MEIS1: variants seen among roughly 807,000 people sequenced by gnomAD.
The protein encoded by MEIS1 is homeobox protein Meis1.
MEIS1 carries 5 observed loss-of-function variants against 50.8 expected under a neutral mutation model. That is an observed-to-expected ratio of 0.10 (90% CI 0.05 to 0.21). MEIS1 has a LOEUF of 0.21. Ranked by LOEUF, MEIS1 falls within the 10% of genes least tolerant of loss-of-function variation. The pLI, the probability that MEIS1 is intolerant of heterozygous loss-of-function variation, is 1.00. For synonymous variants in MEIS1, 176 were observed against 179.3 expected, an observed-to-expected ratio of 0.98 and a Z score of 0.15; for missense variants, 318 against 517.3, an observed-to-expected ratio of 0.61 and a Z score of 3.74.
intron 9 of MEIS1, among the ~76,000 whole-genome samples, chr2:66,559,428 G>C (rs1675156656): frequency 6.6e-6 from 1 of 152,116 alleles, no homozygotes; most frequent in African/African-American, 2.4e-5. Context: ...TTATAATAGA[G>C]ATTGGCAGAA....
At chr2:66,475,555 G>A (rs1558532134) in intron 7 of MEIS1, among the ~76,000 whole-genome samples, 1 of 152,132 alleles carries the variant, frequency 6.6e-6, no homozygotes, top group African/African-American at 2.4e-5. Context: ...ACTAGAAATA[G>A]GTATTAATTT....
At chr2:66,543,457 C>T (rs1026837533) in intron 8 of MEIS1, among the ~76,000 whole-genome samples, 11 of 152,190 alleles carry the variant, frequency 7.2e-5, no homozygotes, top group African/African-American at 2.7e-4. Flanking sequence ...TGGGGTTCCA[C>T]TGCCCACAAG....
chr2:66,456,540 GT>G (rs1204920268), intron 6 of MEIS1, among the ~76,000 whole-genome samples: 4 of 152,328 alleles, frequency 2.6e-5, no homozygotes, highest in Non-Finnish European at 5.9e-5. Context: ...GATTTCCATT[GT>G]CTTACCGCTA....
chr2:66,536,154 C>T (rs572531075), intron 8 of MEIS1, among the ~76,000 whole-genome samples: 3 of 152,134 alleles, frequency 2.0e-5, no homozygotes, highest in Non-Finnish European at 2.9e-5. Context: ...GGAGTGATGT[C>T]TAGATAACAC....
At chr2:66,523,699 G>A (rs1389491710) in intron 8 of MEIS1, among the ~76,000 whole-genome samples, 5 of 152,154 alleles carry the variant, frequency 3.3e-5, no homozygotes, top group Non-Finnish European at 2.9e-5. Flanking sequence ...TTCAAATGTG[G>A]CATTATAATT....
At chr2:66,444,391 C>G (rs1273329289) in intron 6 of MEIS1, among the ~76,000 whole-genome samples, 1 of 152,182 alleles carries the variant, frequency 6.6e-6, no homozygotes, top group Non-Finnish European at 1.5e-5. Flanking sequence ...TGGTTTTCTT[C>G]TCTCAACATC....
chr2:66,494,326 CAG>C (rs1332992332), intron 7 of MEIS1, among the ~76,000 whole-genome samples: 1 of 152,174 alleles, frequency 6.6e-6, no homozygotes, highest in African/African-American at 2.4e-5. Flanking sequence ...TGGAAAAACT[CAG>C]GGTAAGACAC....
intron 7 of MEIS1, among the ~76,000 whole-genome samples, chr2:66,490,711 A>G (rs1169887200): frequency 6.6e-6 from 1 of 152,146 alleles, no homozygotes; most frequent in East Asian, 1.9e-4. Context: ...TGATGAAAAC[A>G]TTTGATAATG....
chr2:66,468,975 G>A (rs1672705823), intron 7 of MEIS1, among the ~76,000 whole-genome samples: 1 of 152,142 alleles, frequency 6.6e-6, no homozygotes, highest in Non-Finnish European at 1.5e-5. Context: ...AGAAGCATGG[G>A]AACAAGTAAA....
At chr2:66,439,793 G>C (rs375775712) in intron 2 of MEIS1, 50 bp from the exon 3 acceptor site, 1 of 1,607,640 alleles carries the variant, frequency 6.2e-7, no homozygotes, top group Admixed American at 1.7e-5. Context: ...TTTTTCCATT[G>C]ACTGGGGACT....
At chr2:66,500,656 C>G (rs1673531620) in intron 7 of MEIS1, among the ~76,000 whole-genome samples, 1 of 152,050 alleles carries the variant, frequency 6.6e-6, no homozygotes, top group South Asian at 2.1e-4. Context: ...AACTCCTGAC[C>G]TCAAGTGATC....
At chr2:66,485,080 CTT>C (rs1491400603) in intron 7 of MEIS1, among the ~76,000 whole-genome samples, 1 of 149,074 alleles carries the variant, frequency 6.7e-6, no homozygotes, top group Non-Finnish European at 1.5e-5. Flanking sequence ...TTATTGTTGG[CTT>C]ATATATATAT....
intron 7 of MEIS1, among the ~76,000 whole-genome samples, chr2:66,477,989 A>C (rs2103777801): frequency 6.6e-6 from 1 of 152,334 alleles, no homozygotes; most frequent in Non-Finnish European, 1.5e-5. Flanking sequence ...TTTTACACTG[A>C]AACAGTATTT....
chr2:66,465,166 T>A (rs1672604514), intron 7 of MEIS1, among the ~76,000 whole-genome samples: 1 of 152,180 alleles, frequency 6.6e-6, no homozygotes, highest in African/African-American at 2.4e-5. Context: ...AATTGCAAAG[T>A]CTACAATGAA....
chr2:66,486,901 A>G (rs112770143), intron 7 of MEIS1, among the ~76,000 whole-genome samples: 2,691 of 151,832 alleles, frequency 0.018, 76 homozygotes, highest in African/African-American at 0.061. Context: ...GTCTCTGTCT[A>G]TTATTGGTGT....
intron 2 of MEIS1, chr2:66,439,289 G>T (rs1317288432): frequency 6.7e-5 from 73 of 1,095,960 alleles, no homozygotes; most frequent in Non-Finnish European, 8.0e-5. Flanking sequence ...GCTCTCCGAG[G>T]GCCTTGGGGT....
At chr2:66,565,551 G>A (rs71411945) in intron 9 of MEIS1, among the ~76,000 whole-genome samples, 6,647 of 152,270 alleles carry the variant, frequency 0.044, 200 homozygotes, top group Non-Finnish European at 0.068. Flanking sequence ...ACTGACAGCT[G>A]TGTGTCATTT....
At chr2:66,495,653 A>G (rs1673384198) in intron 7 of MEIS1, among the ~76,000 whole-genome samples, 1 of 152,182 alleles carries the variant, frequency 6.6e-6, no homozygotes, top group Non-Finnish European at 1.5e-5. Context: ...CCAGTTTTGC[A>G]TGGCAGATGA....
intron 7 of MEIS1, among the ~76,000 whole-genome samples, chr2:66,478,407 T>A (rs1573164134): frequency 6.6e-6 from 1 of 152,160 alleles, no homozygotes; most frequent in Non-Finnish European, 1.5e-5. Context: ...TAGATTTAAT[T>A]TTCATATTTC....
Sources: gnomAD v4.1 joint callset for allele counts (sites outside exome capture counted in the v4.1 genomes callset) on GRCh38, gnomAD v4.1.1 for gene constraint, MANE v1.5 for transcripts, NCBI Gene and HGNC (gene_info 2026-07-23, HGNC 2026-07-21) for gene names.